Variants in MYO3B observed in about 807,000 individuals in gnomAD.
MYO3B encodes myosin-IIIb.
In MYO3B, 156 loss-of-function variants were observed where a neutral mutation model predicts 174.6. The ratio of observed to expected loss-of-function variants is 0.89; its 90% confidence interval spans 0.78 to 1.02. MYO3B has a LOEUF of 1.02. MYO3B is among the 50% of genes least tolerant of loss of function. MYO3B has a pLI of 0.00. For synonymous variants in MYO3B, 563 were observed against 569.1 expected (o/e 0.99, Z 0.15); for missense variants, 1,632 against 1,639.4 (o/e 1.00, Z 0.08).
At chr2:170,597,277 A>G (rs1694213116) in intron 32 of MYO3B, among the ~76,000 whole-genome samples, 1 of 151,522 alleles carries the variant, frequency 6.6e-6, no homozygotes. Context: ...AGGCTGAAGC[A>G]GGAGAATCGC....
chr2:170,476,466 A>G (rs557450490), intron 25 of MYO3B, among the ~76,000 whole-genome samples: 7 of 152,140 alleles, frequency 4.6e-5, no homozygotes, highest in African/African-American at 1.7e-4. Context: ...TGAGTGGTGG[A>G]AGTGGCTCTC....
rs184063491 is a variant in MYO3B at position 170,580,768 on chromosome 2, G to A, written c.3733+36780G>A. Among the ~76,000 whole-genome samples, 567 of 148,746 alleles carry A rather than the reference G, an allele frequency of 3.8e-3. 6 individuals are homozygous for A. The highest frequency in any genetic ancestry group is 0.023 in the Admixed American group (350 of 14,954). On this transcript the variant is annotated intron_variant, in intron 32 of 34. Coordinates refer to ENST00000408978, the MANE Select transcript of MYO3B (RefSeq NM_138995.5). ...TGTGTGTGTGTGTGTGTATGAAAGC[G>A]TAAATAGTATATGTTTTTAATCTTT...
intron 30 of MYO3B, among the ~76,000 whole-genome samples, chr2:170,525,518 G>A (rs1315023122): frequency 1.3e-5 from 2 of 152,174 alleles, no homozygotes; most frequent in Non-Finnish European, 2.9e-5. Context: ...ATATGAAGAG[G>A]CAGGAGATTG....
At chr2:170,498,910 G>A (rs967073195) in intron 26 of MYO3B, among the ~76,000 whole-genome samples, 1 of 152,190 alleles carries the variant, frequency 6.6e-6, no homozygotes, top group Non-Finnish European at 1.5e-5. Context: ...TATGTAATTT[G>A]AGAGCTATTT....
chr2:170,651,564 C>A (rs1471349103), intron 32 of MYO3B, 64 bp from the exon 33 acceptor site: 52 of 1,303,200 alleles, frequency 4.0e-5, no homozygotes, highest in Non-Finnish European at 5.7e-5. Context: ...TGTGAAGAGC[C>A]ATTTTTCACT....
chr2:170,530,997 C>A (rs1689318474), intron 30 of MYO3B, among the ~76,000 whole-genome samples: 2 of 152,202 alleles, frequency 1.3e-5, no homozygotes, highest in South Asian at 4.1e-4. Context: ...TCCCTCTCCT[C>A]CACCCCAACA....
At chr2:170,297,308 C>T (rs768599451) in intron 7 of MYO3B, among the ~76,000 whole-genome samples, 4 of 146,638 alleles carry the variant, frequency 2.7e-5, no homozygotes, top group Non-Finnish European at 6.1e-5. Flanking sequence ...ATGGCCACCC[C>T]CTCCCCCAAT....
chr2:170,189,580 C>A (rs1582647), intron 1 of MYO3B, among the ~76,000 whole-genome samples: 134,968 of 151,846 alleles, frequency 0.89, 60,084 homozygotes, highest in East Asian at 1. Flanking sequence ...CAAGCTCACT[C>A]ATTCTTTCTT....
chr2:170,463,775 C>T (rs34918951), intron 24 of MYO3B, among the ~76,000 whole-genome samples: 1,704 of 152,258 alleles, frequency 0.011, 11 homozygotes, highest in Non-Finnish European at 0.017. Flanking sequence ...TCTGTCTTAG[C>T]ATTGACTTTA....
At chr2:170,474,598 C>A (rs1341592207) in intron 25 of MYO3B, among the ~76,000 whole-genome samples, 1 of 151,208 alleles carries the variant, frequency 6.6e-6, no homozygotes. Flanking sequence ...TAATAATAAG[C>A]CAGGCGTGGT....
intron 32 of MYO3B, among the ~76,000 whole-genome samples, chr2:170,621,087 C>T (rs1324018726): frequency 3.3e-5 from 5 of 152,064 alleles, no homozygotes; most frequent in Admixed American, 3.3e-4. Flanking sequence ...CAGGGTTTCA[C>T]CATCTCGGCC....
At chr2:170,281,613 T>C (rs912314099) in intron 7 of MYO3B, among the ~76,000 whole-genome samples, 3 of 152,128 alleles carry the variant, frequency 2.0e-5, no homozygotes, top group African/African-American at 7.2e-5. Context: ...GAGAAATTAA[T>C]AGCACTAAAT....
At chr2:170,214,505 G>T in intron 4 of MYO3B, 22 bp downstream of exon 4, 1 of 1,604,020 alleles carries the variant, frequency 6.2e-7, no homozygotes, top group Non-Finnish European at 8.5e-7. Flanking sequence ...TATCAAATGG[G>T]GTATGACAGC....
At chr2:170,370,883 GCT>G (rs147634999) in intron 9 of MYO3B, among the ~76,000 whole-genome samples, 3 of 149,784 alleles carry the variant, frequency 2.0e-5, no homozygotes, top group Non-Finnish European at 3.0e-5. Flanking sequence ...CCAGATCTAT[GCT>G]CTCTCTCTCT....
intron 32 of MYO3B, among the ~76,000 whole-genome samples, chr2:170,570,422 T>TG (rs1173282754): frequency 6.6e-6 from 1 of 152,242 alleles, no homozygotes; most frequent in Non-Finnish European, 1.5e-5. Context: ...ATTAGATCTC[T>TG]GTGAACCAAA....
At chr2:170,339,374 C>T (rs1217385844) in intron 8 of MYO3B, among the ~76,000 whole-genome samples, 8 of 152,182 alleles carry the variant, frequency 5.3e-5, no homozygotes, top group African/African-American at 9.7e-5. Flanking sequence ...ACTACTGAGC[C>T]GTAACAGAGT....
chr2:170,288,733 G>T (rs2093575076), intron 7 of MYO3B, among the ~76,000 whole-genome samples: 2 of 152,014 alleles, frequency 1.3e-5, no homozygotes, highest in South Asian at 2.1e-4. Flanking sequence ...AATTGCTCTG[G>T]CAGGGACTTC....
chr2:170,488,951 A>G (rs1231289040), intron 25 of MYO3B, among the ~76,000 whole-genome samples: 1 of 152,210 alleles, frequency 6.6e-6, no homozygotes, highest in Non-Finnish European at 1.5e-5. Flanking sequence ...CTCAGATAGA[A>G]GAAATCAACA....
intron 32 of MYO3B, among the ~76,000 whole-genome samples, chr2:170,546,012 C>G (rs1023943916): frequency 1.3e-5 from 2 of 152,188 alleles, no homozygotes; most frequent in Non-Finnish European, 2.9e-5. Flanking sequence ...CCACTGCTCT[C>G]TCTTTTTCAT....
Sources: gnomAD v4.1 joint callset for allele counts (sites outside exome capture counted in the v4.1 genomes callset) on GRCh38, gnomAD v4.1.1 for gene constraint, MANE v1.5 for transcripts, NCBI Gene and HGNC (gene_info 2026-07-23, HGNC 2026-07-21) for gene names.